Variants in NEDD9 observed in about 807,000 individuals in gnomAD.
The protein encoded by NEDD9 is neural precursor cell expressed, developmentally down-regulated 9.
In NEDD9, 26 loss-of-function variants were observed where a neutral mutation model predicts 76.6. The observed-to-expected ratio is 0.34, with a 90% CI of 0.25 to 0.47. The LOEUF is 0.47. Ranked by LOEUF, NEDD9 falls within the 20% of genes least tolerant of loss-of-function variation. The pLI, the probability that NEDD9 is intolerant of heterozygous loss-of-function variation, is 1.00. For synonymous variants in NEDD9, 392 were observed against 414.2 expected (o/e 0.95, Z 0.65); for missense variants, 937 against 1,058.5 (o/e 0.89, Z 1.59).
At position 11,184,853 on chromosome 6, in the gene NEDD9, A is replaced by G. The variant is rs2113705235; in HGVS notation, c.*309T>C. ...GTAATTCATGGTTTTTTTTTTAATG[A>G]AATGCATCAGACAAACATCTACAAA... is the stretch of plus-strand genomic sequence containing the variant. On this transcript the variant is annotated 3_prime_UTR_variant, in exon 7 of 7. Coordinates refer to ENST00000379446, the MANE Select transcript of NEDD9 (RefSeq NM_006403.4). 4.6e-6 allele frequency: 1 copy of G among 219,320 alleles called. No homozygotes were observed. The highest frequency in any genetic ancestry group is 9.1e-6 in the Non-Finnish European group (1 of 110,300). The allele number at this position is 219,320 out of a possible 1,614,324, so 13.6% of individuals were successfully genotyped here.
intron 3 of NEDD9, among the ~76,000 whole-genome samples, chr6:11,250,027 G>A (rs886411173): frequency 1.3e-5 from 2 of 152,174 alleles, no homozygotes; most frequent in Non-Finnish European, 1.5e-5. Flanking sequence ...TGAAGTGGGC[G>A]GTGAGCTCCC....
chr6:11,309,712 C>T (rs2113434063), intron 2 of NEDD9, among the ~76,000 whole-genome samples: 1 of 152,208 alleles, frequency 6.6e-6, no homozygotes, highest in East Asian at 1.9e-4. Context: ...TGTCACCACC[C>T]CTCTAAAACA....
In NEDD9 at chr6:11,213,589, G is replaced by T. The variant is rs145744844; in HGVS notation, c.151C>A (p.Arg51=). The part of the protein sequence containing the change: ...EGWWLCSLHG[R]QGIVPGNRVK... ...CGGTTGCCTGGGACAATGCCTTGCC[G>T]ACCGTGTAATGAGCACAGCCACCAT... The change falls in exon 2 of 7, where the codon CGG becomes AGG. Residue 51 remains arginine (R), a synonymous_variant. Transcript: ENST00000379446. The surrounding 1 kb of genome is among the most constrained non-coding windows in gnomAD (Gnocchi z 5.4). 2 of 1,614,144 alleles carry T rather than the reference G, an allele frequency of 1.2e-6. No individual in the cohort carries two copies. Among genetic ancestry groups the T allele is most frequent in the Non-Finnish European group, 1.7e-6 (2 of 1,180,026 alleles).
chr6:11,273,980 T>C (rs1227927868), intron 3 of NEDD9, among the ~76,000 whole-genome samples: 1 of 152,228 alleles, frequency 6.6e-6, no homozygotes, highest in Admixed American at 6.5e-5. Flanking sequence ...TTCCTCTTTC[T>C]AATGAAAGAA....
chr6:11,345,511 T>C (rs1301699029), intron 1 of NEDD9, among the ~76,000 whole-genome samples: 3 of 152,012 alleles, frequency 2.0e-5, no homozygotes, highest in African/African-American at 7.3e-5. Context: ...TAAAGGAGAC[T>C]CACCTCCTGC....
At position 11,213,068 on chromosome 6, in the gene NEDD9, T is replaced by C. The variant is rs1384945770; in HGVS notation, c.459+213A>G. On this transcript the variant is annotated intron_variant, in intron 2 of 6. Transcript: ENST00000379446. This position sits in a 1 kb window ranked among gnomAD's most constrained non-coding sequence, Gnocchi z 5.4. ...CACAGGAACTTAGGAGGGCTGGAAA[T>C]CAACTGTACTCAGCACATGGTAGTT... 2.0e-5 allele frequency among the ~76,000 whole-genome samples: 3 copies of C among 152,194 alleles called. No homozygotes were observed. Among genetic ancestry groups the C allele is most frequent in the Admixed American group, 2.0e-4 (3 of 15,284 alleles).
rs543862092 is a variant in NEDD9, at chr6:11,237,736, G to A, written c.13-24009C>T. On this transcript the variant is annotated intron_variant, in intron 3 of 3. Transcript: ENST00000397378. This position sits in a 1 kb window ranked among gnomAD's most constrained non-coding sequence, Gnocchi z 4.9. ...CAGAGATGGCAAAGCCCCCAAAGCC[G>A]AAGAAGAAAAAGTATTATTTGGTTG... Among the ~76,000 whole-genome samples, 33 of 152,204 alleles carry A rather than the reference G, an allele frequency of 2.2e-4. No individual in the cohort carries two copies. Among genetic ancestry groups the A allele is most frequent in the African/African-American group, 6.0e-4 (25 of 41,512 alleles).
chr6:11,251,841 A>G (rs1200653580), intron 3 of NEDD9: 1 of 152,176 alleles, frequency 6.6e-6, no homozygotes, highest in African/African-American at 2.4e-5. Context: ...CTGCCCTCAG[A>G]GCCTTTGACT....
chr6:11,225,262 G>A (rs1356661060), intron 1 of NEDD9, among the ~76,000 whole-genome samples: 1 of 152,082 alleles, frequency 6.6e-6, no homozygotes, highest in Non-Finnish European at 1.5e-5. Context: ...TTCATGTGAG[G>A]GACATTTTTA....
intron 1 of NEDD9, among the ~76,000 whole-genome samples, chr6:11,338,414 T>C (rs1201179819): frequency 6.6e-6 from 1 of 152,154 alleles, no homozygotes; most frequent in Non-Finnish European, 1.5e-5. Flanking sequence ...TGGGAGACAA[T>C]AAATGTTTGC....
At chr6:11,227,481 C>T (rs1209033908) in intron 1 of NEDD9, among the ~76,000 whole-genome samples, 1 of 148,368 alleles carries the variant, frequency 6.7e-6, no homozygotes, top group Non-Finnish European at 1.5e-5. Flanking sequence ...CTTAACTTGC[C>T]TAAGGTCCAG....
chr6:11,249,585 T>A (rs1436020028), intron 3 of NEDD9, among the ~76,000 whole-genome samples: 1 of 152,080 alleles, frequency 6.6e-6, no homozygotes, highest in Non-Finnish European at 1.5e-5. Context: ...CAAGGGATGC[T>A]GGGAGGTGTA....
chr6:11,264,811 G>A (rs1760174898), intron 3 of NEDD9, among the ~76,000 whole-genome samples: 1 of 152,172 alleles, frequency 6.6e-6, no homozygotes, highest in Non-Finnish European at 1.5e-5. Context: ...ACAGTGAAAA[G>A]CACAGTTTAA....
rs1757955140 is a variant in NEDD9 at position 11,185,547 on chromosome 6, A to C, written c.2120T>G (p.Leu707Trp). 1 of 1,614,110 alleles carries C rather than the reference A, an allele frequency of 6.2e-7. No individual in the cohort carries two copies. The highest frequency in any genetic ancestry group is 1.7e-5 in the Admixed American group (1 of 60,004). Residue 707 changes from leucine (L) to tryptophan (W), a missense_variant, in exon 7 of 7, where the codon TTG becomes TGG. Coordinates refer to ENST00000379446, the MANE Select transcript of NEDD9 (RefSeq NM_006403.4). ...NSGVSAQDRQLLCFYYDQCET... is the reference protein window; with the variant it reads ...NSGVSAQDRQWLCFYYDQCET... Reference sequence around the variant, plus strand: ...ACATTGGTCATAGTAGAAGCACAGCAACTGCCGATCCTGAGCACTCACGCC... The same window carrying C: ...ACATTGGTCATAGTAGAAGCACAGCCACTGCCGATCCTGAGCACTCACGCC...
intron 3 of NEDD9, among the ~76,000 whole-genome samples, chr6:11,276,950 C>T (rs1581994752): frequency 1.3e-5 from 2 of 149,072 alleles, no homozygotes; most frequent in South Asian, 4.1e-4. Context: ...TGGAAACAAA[C>T]AAACAAACAA....
chr6:11,321,353 T>C (rs1031094473), intron 2 of NEDD9, among the ~76,000 whole-genome samples: 2 of 152,154 alleles, frequency 1.3e-5, no homozygotes, highest in Non-Finnish European at 2.9e-5. Context: ...AGAGCTGAAT[T>C]CCCTGCGCAT....
At position 11,346,485 on chromosome 6, in the gene NEDD9, C is replaced by CCG. The variant is rs1554134769; in HGVS notation, c.-213-11925_-213-11924insCG. On this transcript the variant is annotated intron_variant, in intron 1 of 3. Transcript: ENST00000397378. Reference sequence around the variant, plus strand: ...TATAAGAAGGCTCGGAGGCCCCCCCCCCCGAGGTGAGTGGAAAGCCCTCTC... The same window carrying CCG: ...TATAAGAAGGCTCGGAGGCCCCCCCCCGCCCGAGGTGAGTGGAAAGCCCTCTC... Among the ~76,000 whole-genome samples the CCG allele has an allele frequency of 1.6e-3, 241 of 150,974 alleles. 1 individual carries two copies. The highest frequency in any genetic ancestry group is 4.8e-3 in the African/African-American group (197 of 41,424).
chr6:11,203,991 C>CTT (rs1758528740), intron 2 of NEDD9, among the ~76,000 whole-genome samples: 1 of 150,244 alleles, frequency 6.7e-6, no homozygotes, highest in Non-Finnish European at 1.5e-5. Flanking sequence ...AAAAAAAACT[C>CTT]TTGATGTCAG....
At chr6:11,233,021 C>A (rs370388809), upstream of NEDD9, among the ~76,000 whole-genome samples, 2 of 152,138 alleles carry the variant, frequency 1.3e-5, no homozygotes, top group African/African-American at 4.8e-5. Context: ...GACCTAGCAA[C>A]TCCTTCATAA....
Sources: allele counts gnomAD v4.1 joint callset (sites outside exome capture counted in the v4.1 genomes callset), GRCh38; gene constraint gnomAD v4.1.1; non-coding constraint Gnocchi (gnomAD v3.1); transcripts MANE v1.5; gene names NCBI Gene and HGNC (gene_info 2026-07-23, HGNC 2026-07-21).